RAB7B: variants seen among roughly 807,000 people sequenced by gnomAD.
RAB7B encodes ras-related protein Rab-7b.
At chr1:205,989,170 C>A (rs1660673933) in intron 4 of RAB7B, among the ~76,000 whole-genome samples, 1 of 152,058 alleles carries the variant, frequency 6.6e-6, no homozygotes, top group Admixed American at 6.5e-5. Context: ...CCATCCTCTC[C>A]AGGGACCTCC....
intron 4 of RAB7B, 126 bp from the exon 5 acceptor site, chr1:205,985,791 G>GCTCACCAGGCCCACCATC (rs1660590566): frequency 3.0e-4 from 83 of 277,742 alleles, no homozygotes; most frequent in East Asian, 2.9e-3. Flanking sequence ...TCCCCACCAG[G>GCTCACCAGGCCCACCATC]CCCACCATCC....
chr1:205,999,394 A>G (rs1660856369), intron 1 of RAB7B, among the ~76,000 whole-genome samples: 1 of 152,266 alleles, frequency 6.6e-6, no homozygotes, highest in Non-Finnish European at 1.5e-5. Flanking sequence ...CTTACTAACT[A>G]TCAAGGAAAT....
chr1:205,984,811 T>C (rs1293089323), intron 5 of RAB7B, among the ~76,000 whole-genome samples: 1 of 152,154 alleles, frequency 6.6e-6, no homozygotes, highest in Non-Finnish European at 1.5e-5. Context: ...CATTGTCCCT[T>C]CATTTGCAAA....
chr1:205,981,712 T>C lies in RAB7B; in HGVS notation c.523-2784A>G, dbSNP rs1245612201. Among the ~76,000 whole-genome samples, 215 of 55,328 alleles carry C rather than the reference T, an allele frequency of 3.9e-3. 23 individuals carry two copies. The highest frequency in any genetic ancestry group is 0.018 in the Middle Eastern group (2 of 112). The allele number at this position is 55,328 out of a possible 152,430, so 36.3% of individuals were successfully genotyped here. ...ATGTTAACTGAACACCTACTGTGATTTCCTTCACAATGTTAACTGAACACC... is the reference window on the plus strand; with the variant it reads ...ATGTTAACTGAACACCTACTGTGATCTCCTTCACAATGTTAACTGAACACC... On this transcript the variant is annotated intron_variant, in intron 5 of 5. Coordinates refer to ENST00000617070, the MANE Select transcript of RAB7B (RefSeq NM_001164522.3).
At chr1:205,994,279 T>C in intron 1 of RAB7B, 128 bp from the exon 2 acceptor site, 1 of 393,830 alleles carries the variant, frequency 2.5e-6, no homozygotes. Context: ...TGGGTGGGGT[T>C]CTCCGAAGGA....
chr1:205,990,671 G>C (rs1048814010), intron 4 of RAB7B, among the ~76,000 whole-genome samples: 1 of 152,292 alleles, frequency 6.6e-6, no homozygotes, highest in East Asian at 1.9e-4. Flanking sequence ...CTTGTCATGG[G>C]AGGTACAGCG....
intron 1 of RAB7B, among the ~76,000 whole-genome samples, chr1:205,998,130 C>T (rs949250478): frequency 7.9e-5 from 12 of 152,006 alleles, no homozygotes; most frequent in Admixed American, 2.6e-4. Flanking sequence ...CCAAGGTGGG[C>T]GGATCATGAG....
rs1660916345 is a variant in RAB7B, at chr1:206,003,223, AGCACTGAGACAAGCTCCCGGG to A, written c.-17+9_-17+29del. 1.3e-5 allele frequency: 2 copies of A among 152,278 alleles called. No individual in the cohort carries two copies. The highest frequency in any genetic ancestry group is 4.8e-5 in the African/African-American group (2 of 41,442). 9.4% of individuals were successfully genotyped at this position (152,278 alleles called of 1,614,324 possible). ...TCCCAGGGCTGCAGGGGCAGACAGA[AGCACTGAGACAAGCTCCCGGG>A]GCACTTACAGCTGTGGCTGTGCAGC... is the stretch of plus-strand genomic sequence containing the variant. On this transcript the variant is annotated intron_variant, in intron 1 of 5. Transcript: ENST00000617070.
chr1:205,998,094 G>A (rs1660832463), intron 1 of RAB7B, among the ~76,000 whole-genome samples: 2 of 152,180 alleles, frequency 1.3e-5, no homozygotes, highest in East Asian at 3.9e-4. Context: ...CGTGTCTCAA[G>A]CCTGTAATCC....
intron 4 of RAB7B, among the ~76,000 whole-genome samples, chr1:205,987,890 A>G (rs1328841627): frequency 6.6e-6 from 1 of 152,154 alleles, no homozygotes; most frequent in Non-Finnish European, 1.5e-5. Context: ...TAAATTAAAC[A>G]CTTTTTAAAA....
At chr1:206,002,672 C>T (rs1452471542) in intron 1 of RAB7B, among the ~76,000 whole-genome samples, 2 of 152,200 alleles carry the variant, frequency 1.3e-5, no homozygotes, top group Non-Finnish European at 2.9e-5. Flanking sequence ...CACTGAAGCC[C>T]AATGGATACC....
In RAB7B at chr1:205,994,096, C is replaced by T. The variant is rs919671944; in HGVS notation, c.40G>A (p.Val14Ile). ...RKKVDLKLII[V>I]GAIGVGKTSL... ...AGCTTGGCTTACCCAATGGCTCCGA[C>T]GATAATGAGTTTCAGGTCCACCTTC... Residue 14 changes from valine (V) to isoleucine (I), a missense_variant, in exon 2 of 6, where the codon GTC becomes ATC. Physicochemically the swap from Val to Ile is conservative, Grantham distance 29. Coordinates refer to ENST00000617070, the MANE Select transcript of RAB7B (RefSeq NM_001164522.3). 4.5e-4 allele frequency: 179 copies of T among 398,640 alleles called. 2 individuals carry two copies. In the South Asian group the frequency reaches 0.013, roughly 28 times the overall value. The allele number at this position is 398,640 out of a possible 1,614,324, so 24.7% of individuals were successfully genotyped here. A position where few individuals can be genotyped will look rare whatever the true frequency, so the allele number is the denominator to read the frequency against.
chr1:205,977,071 C>A lies in RAB7B; in HGVS notation c.*1780G>T, dbSNP rs1660392796. 6.6e-6 allele frequency: 1 copy of A among 152,320 alleles called. No individual in the cohort carries two copies. The highest frequency in any genetic ancestry group is 6.5e-5 in the Admixed American group (1 of 15,294). The allele number at this position is 152,320 out of a possible 1,614,324, so 9.4% of individuals were successfully genotyped here. A position where few individuals can be genotyped will look rare whatever the true frequency, so the allele number is the denominator to read the frequency against. On this transcript the variant is annotated 3_prime_UTR_variant, in exon 6 of 6. Transcript: ENST00000617070. ...CCCAAACTCCCCTGCTGACCTCCCC[C>A]CGGCCCCTAGGTGTACCTTCCAAGT... is the stretch of plus-strand genomic sequence containing the variant.
chr1:205,980,546 G>A (rs1391283489), intron 5 of RAB7B, among the ~76,000 whole-genome samples: 3 of 152,216 alleles, frequency 2.0e-5, no homozygotes. Flanking sequence ...GCATTTCAGT[G>A]GGGGTGTGAC....
At chr1:205,985,017 C>A (rs1660565110) in intron 5 of RAB7B, among the ~76,000 whole-genome samples, 1 of 152,190 alleles carries the variant, frequency 6.6e-6, no homozygotes, top group Admixed American at 6.5e-5. Context: ...GCCTATCTGC[C>A]TGCCTCTTGA....
At chr1:205,985,067 C>T (rs1309515531) in intron 5 of RAB7B, among the ~76,000 whole-genome samples, 2 of 152,226 alleles carry the variant, frequency 1.3e-5, no homozygotes, top group African/African-American at 4.8e-5. Context: ...CTGCCACACA[C>T]TCAACACATT....
rs1486767156 is a variant in RAB7B, at chr1:205,978,845, T to C, written c.*6A>G. ...TTTCTGGGCTTCCAGAGCAGGCGTC[T>C]GGAGGTCAGCAGCATCTGCTCCTTG... On this transcript the variant is annotated 3_prime_UTR_variant, in exon 6 of 6. Transcript: ENST00000617070. 1 of 398,714 alleles carries C rather than the reference T, an allele frequency of 2.5e-6. No homozygotes were observed. The highest frequency in any genetic ancestry group is 3.6e-5 in the East Asian group (1 of 28,072). The allele number at this position is 398,714 out of a possible 1,614,324, so 24.7% of individuals were successfully genotyped here. A position where few individuals can be genotyped will look rare whatever the true frequency, so the allele number is the denominator to read the frequency against.
intron 5 of RAB7B, among the ~76,000 whole-genome samples, chr1:205,981,617 A>G (rs962624895): frequency 3.4e-3 from 493 of 143,638 alleles, no homozygotes; most frequent in Non-Finnish European, 4.9e-3. Context: ...TTCTTTCACA[A>G]TGTTAACTGA....
chr1:206,000,325 AT>A (rs1189434193), intron 1 of RAB7B, among the ~76,000 whole-genome samples: 3 of 152,246 alleles, frequency 2.0e-5, no homozygotes, highest in African/African-American at 7.2e-5. Flanking sequence ...AGAATATCAA[AT>A]AATCACTTAA....
Sources: allele counts gnomAD v4.1 joint callset (sites outside exome capture counted in the v4.1 genomes callset), GRCh38; gene constraint gnomAD v4.1.1; transcripts MANE v1.5; gene names NCBI Gene and HGNC (gene_info 2026-07-23, HGNC 2026-07-21).